The following TENM3 variants were observed in gnomAD, a reference collection of about 807,000 sequenced individuals.
The protein encoded by TENM3 is teneurin transmembrane protein 3.
TENM3 carries 63 observed loss-of-function variants against 255.1 expected under a neutral mutation model. The observed-to-expected ratio is 0.25, with a 90% confidence interval of 0.20 to 0.30. The LOEUF (loss-of-function observed/expected upper bound fraction) is 0.30. Ranked by LOEUF, TENM3 falls within the 10% of genes least tolerant of loss-of-function variation. TENM3 has a pLI of 1.00. For missense variants in TENM3, 2,929 were observed against 3,461.1 expected (o/e 0.85, Z 3.86); for synonymous variants, 1,306 against 1,322.3 (o/e 0.99, Z 0.27).
At chr4:182,408,248 T>G (rs1339718118) in intron 3 of TENM3, among the ~76,000 whole-genome samples, 1 of 152,240 alleles carries the variant, frequency 6.6e-6, no homozygotes, top group Non-Finnish European at 1.5e-5. Context: ...TTTAAACTTT[T>G]TCTTCCAAAT....
chr4:182,311,222 A>G (rs1046656242), intron 1 of TENM3, among the ~76,000 whole-genome samples: 5 of 152,174 alleles, frequency 3.3e-5, no homozygotes, highest in Non-Finnish European at 7.3e-5. Flanking sequence ...AGTAGATTTT[A>G]TCCTCTTGGT....
Position 182,265,040 on chromosome 4 carries a change from G to A in TENM3, c.-76+21564G>A, listed in dbSNP as rs191065437. ...CTTCTGGTAGCCTGGGACTCCTTGA[G>A]AAAAACAGAGGAGGCACCACAGACT... is the stretch of plus-strand genomic sequence containing the variant. On this transcript the variant is annotated intron_variant, in intron 1 of 27. Coordinates refer to ENST00000511685, the MANE Select transcript of TENM3 (RefSeq NM_001080477.4). Among the ~76,000 whole-genome samples, 137 of 151,776 alleles carry A rather than the reference G, an allele frequency of 9.0e-4. No individual in the cohort carries two copies. The Middle Eastern group carries it at 0.01, about 11-fold the overall frequency.
chr4:181,923,165 G>A, the TENM3 span, among the ~76,000 whole-genome samples: 2 of 152,000 alleles, frequency 1.3e-5, no homozygotes, highest in East Asian at 1.9e-4. Flanking sequence ...GTATGTGGTC[G>A]ATTTTGGAAT....
intron 19 of TENM3, among the ~76,000 whole-genome samples, chr4:182,747,273 T>TA (rs1762073403): frequency 6.6e-6 from 1 of 152,192 alleles, no homozygotes; most frequent in Non-Finnish European, 1.5e-5. Flanking sequence ...AATGGGGGAA[T>TA]AATAAAAATA....
chr4:181,470,339 C>A, the TENM3 span, among the ~76,000 whole-genome samples: 1 of 151,626 alleles, frequency 6.6e-6, no homozygotes. Context: ...CTGTTTAACT[C>A]TTCCAGTTTT....
chr4:181,745,178 GT>G, the TENM3 span, among the ~76,000 whole-genome samples: 1 of 152,094 alleles, frequency 6.6e-6, no homozygotes. Flanking sequence ...GAAAAGGGTG[GT>G]TTCCTGGACA....
At chr4:182,501,160 C>G (rs955673573) in intron 3 of TENM3, among the ~76,000 whole-genome samples, 1 of 152,082 alleles carries the variant, frequency 6.6e-6, no homozygotes, top group African/African-American at 2.4e-5. Flanking sequence ...AAATACTTGT[C>G]TTGCTTGGGT....
chr4:182,755,875 G>A (rs1762711321), intron 22 of TENM3, among the ~76,000 whole-genome samples: 1 of 152,108 alleles, frequency 6.6e-6, no homozygotes, highest in Non-Finnish European at 1.5e-5. Context: ...TGAGAAAGAA[G>A]ACAAAATTGC....
chr4:182,507,967 G>A (rs960610057), intron 3 of TENM3, among the ~76,000 whole-genome samples: 1 of 152,142 alleles, frequency 6.6e-6, no homozygotes, highest in Non-Finnish European at 1.5e-5. Flanking sequence ...GGGTCCTGGA[G>A]CAGATGGTTG....
chr4:182,534,407 G>A (rs1357337466), intron 3 of TENM3, among the ~76,000 whole-genome samples: 3 of 152,176 alleles, frequency 2.0e-5, no homozygotes, highest in Non-Finnish European at 4.4e-5. Flanking sequence ...GTCTCTTGTT[G>A]TTTATTTCAT....
At chr4:182,714,741 C>T (rs1237533558) in intron 13 of TENM3, among the ~76,000 whole-genome samples, 1 of 152,196 alleles carries the variant, frequency 6.6e-6, no homozygotes, top group African/African-American at 2.4e-5. Context: ...TGAGATTCCA[C>T]CCAGTTGAAG....
the TENM3 span, among the ~76,000 whole-genome samples, chr4:181,795,113 T>C: frequency 6.6e-6 from 1 of 152,242 alleles, no homozygotes; most frequent in South Asian, 2.1e-4. Flanking sequence ...AGGTTATTTC[T>C]ATGTCTCTGA....
the TENM3 span, among the ~76,000 whole-genome samples, chr4:181,448,084 T>C: frequency 6.6e-6 from 1 of 151,854 alleles, no homozygotes; most frequent in Non-Finnish European, 1.5e-5. Context: ...TACCATCGTA[T>C]TTCTTTTAAC....
chr4:182,465,950 C>T (rs1426007810), intron 3 of TENM3, among the ~76,000 whole-genome samples: 1 of 152,068 alleles, frequency 6.6e-6, no homozygotes, highest in Admixed American at 6.5e-5. Flanking sequence ...ACCCAAGTCT[C>T]ATTTCTCTAT....
intron 3 of TENM3, among the ~76,000 whole-genome samples, chr4:182,435,308 A>C (rs900878311): frequency 2.0e-5 from 3 of 152,084 alleles, no homozygotes; most frequent in Non-Finnish European, 4.4e-5. Flanking sequence ...TTATTACATG[A>C]CTTCTTCTAT....
the TENM3 span, among the ~76,000 whole-genome samples, chr4:181,543,613 C>T: frequency 1.3e-4 from 20 of 152,240 alleles, no homozygotes; most frequent in Non-Finnish European, 2.4e-4. Flanking sequence ...CTAAATTCTA[C>T]TGCCAGCCAC....
chr4:182,614,571 C>T (rs1411096407), intron 4 of TENM3, among the ~76,000 whole-genome samples: 1 of 151,852 alleles, frequency 6.6e-6, no homozygotes, highest in Non-Finnish European at 1.5e-5. Flanking sequence ...TTTTAAATCC[C>T]ATTTGCTCAT....
chr4:182,151,107 C>T (rs1465375919), intron 1 of TENM3, among the ~76,000 whole-genome samples: 2 of 152,078 alleles, frequency 1.3e-5, no homozygotes, highest in Non-Finnish European at 2.9e-5. Context: ...CACTCAAGAG[C>T]GTCTCCAGCA....
At chr4:182,548,488 CT>C (rs951205534) in intron 3 of TENM3, among the ~76,000 whole-genome samples, 4 of 152,164 alleles carry the variant, frequency 2.6e-5, no homozygotes, top group African/African-American at 9.7e-5. Context: ...CGAGGCAACT[CT>C]ACCTGGGGGA....
Sources: allele counts gnomAD v4.1 joint callset (sites outside exome capture counted in the v4.1 genomes callset), GRCh38; gene constraint gnomAD v4.1.1; transcripts MANE v1.5; gene names NCBI Gene and HGNC (gene_info 2026-07-23, HGNC 2026-07-21).